Variants in CHN2 observed in about 807,000 individuals in gnomAD.
CHN2 encodes the protein chimerin 2.
Under a neutral mutation model 56.3 loss-of-function variants are expected in CHN2, and 35 were observed. That is an observed-to-expected ratio of 0.62 (90% CI 0.47 to 0.82). The LOEUF is 0.82. Ranked by LOEUF, CHN2 falls within the 40% of genes least tolerant of loss-of-function variation. The pLI, the probability that CHN2 is intolerant of heterozygous loss-of-function variation, is 0.00. For synonymous variants in CHN2, 210 were observed against 212.8 expected (o/e 0.99, Z 0.12); for missense variants, 491 against 580.5 (o/e 0.85, Z 1.58).
At chr7:29,482,284 C>CCTCA (rs1290432235) in intron 7 of CHN2, among the ~76,000 whole-genome samples, 2 of 152,172 alleles carry the variant, frequency 1.3e-5, no homozygotes, top group Non-Finnish European at 2.9e-5. Context: ...ACTTAGCAGA[C>CCTCA]CTCAAGTAGC....
At chr7:29,332,567 C>T (rs921277373) in intron 1 of CHN2, among the ~76,000 whole-genome samples, 2 of 140,420 alleles carry the variant, frequency 1.4e-5, no homozygotes, top group Admixed American at 1.5e-4. Context: ...AGTTCCCCGT[C>T]AGCCACACGG....
intron 1 of CHN2, among the ~76,000 whole-genome samples, chr7:29,342,771 T>A (rs1398770240): frequency 6.6e-6 from 1 of 152,254 alleles, no homozygotes; most frequent in Non-Finnish European, 1.5e-5. Context: ...AGGTCTGATC[T>A]TGCCCTTATA....
At chr7:29,389,576 G>A (rs1217887230) in intron 3 of CHN2, among the ~76,000 whole-genome samples, 1 of 152,070 alleles carries the variant, frequency 6.6e-6, no homozygotes, top group Non-Finnish European at 1.5e-5. Flanking sequence ...TGGTCATTTT[G>A]AGAAGTGTAC....
intron 1 of CHN2, among the ~76,000 whole-genome samples, chr7:29,253,800 G>C (rs966657158): frequency 3.9e-5 from 6 of 152,204 alleles, no homozygotes; most frequent in Non-Finnish European, 8.8e-5. Flanking sequence ...TCCTTCAACT[G>C]TAAAATAAGG....
At chr7:29,434,028 G>T (rs1783046011) in intron 6 of CHN2, among the ~76,000 whole-genome samples, 1 of 152,216 alleles carries the variant, frequency 6.6e-6, no homozygotes, top group Non-Finnish European at 1.5e-5. Context: ...AACCTCTGAG[G>T]ATCTTCCCTC....
chr7:29,220,596 C>T (rs973877101), intron 1 of CHN2, among the ~76,000 whole-genome samples: 22 of 151,968 alleles, frequency 1.4e-4, no homozygotes, highest in African/African-American at 5.3e-4. Context: ...CCAAAACAGA[C>T]ATAAGAAGAA....
chr7:29,476,493 C>T (rs1293189753), intron 6 of CHN2, among the ~76,000 whole-genome samples: 3 of 150,726 alleles, frequency 2.0e-5, no homozygotes, highest in African/African-American at 7.3e-5. Flanking sequence ...GCCGAGATCG[C>T]GCCATTGCAC....
rs186259617 is a variant in CHN2, at chr7:29,212,894, A to G, written c.49+17904A>G. 30 of 1,610,750 alleles carry G rather than the reference A, an allele frequency of 1.9e-5. No individual in the cohort carries two copies. In the East Asian group the frequency reaches 2.5e-4, roughly 13 times the overall value. On this transcript the variant is annotated intron_variant, in intron 1 of 12. Coordinates refer to ENST00000222792, the MANE Select transcript of CHN2 (RefSeq NM_004067.4). Reference sequence around the variant, plus strand: ...GGGAACCTTCCAATGTGGAGCAACCAGACCTGGAACAATTCATCCTGGAGC... The same window carrying G: ...GGGAACCTTCCAATGTGGAGCAACCGGACCTGGAACAATTCATCCTGGAGC...
upstream of CHN2, chr7:29,192,724 T>C (rs886949765): frequency 6.6e-6 from 1 of 150,946 alleles, no homozygotes; most frequent in Admixed American, 6.6e-5. Context: ...TTGTGGCAGG[T>C]GTAGAAACTG....
At chr7:29,341,682 T>TA (rs1374976357) in intron 1 of CHN2, among the ~76,000 whole-genome samples, 13 of 152,194 alleles carry the variant, frequency 8.5e-5, no homozygotes, top group Admixed American at 7.9e-4. Context: ...GGCAGAAAAT[T>TA]AAATAATGTC....
intron 5 of CHN2, 32 bp downstream of exon 5, chr7:29,398,518 C>A: frequency 1.5e-6 from 2 of 1,372,774 alleles, no homozygotes; most frequent in South Asian, 1.2e-5. Flanking sequence ...GTTTTCATTG[C>A]TGTACAAGTG....
intron 4 of CHN2, 72 bp downstream of exon 4, chr7:29,393,782 A>G (rs1020873181): frequency 7.4e-6 from 4 of 537,814 alleles, no homozygotes; most frequent in Admixed American, 4.0e-5. Flanking sequence ...AAATATTACA[A>G]ATTTTCTAAT....
intron 1 of CHN2, among the ~76,000 whole-genome samples, chr7:29,348,482 TCTTCCCCCTC>T (rs1313176178): frequency 6.6e-6 from 1 of 152,210 alleles, no homozygotes; most frequent in Non-Finnish European, 1.5e-5. Flanking sequence ...AGCATCTGTA[TCTTCCCCCTC>T]CTTCCCCATC....
At chr7:29,411,331 G>A (rs1803193460) in intron 6 of CHN2, among the ~76,000 whole-genome samples, 1 of 152,148 alleles carries the variant, frequency 6.6e-6, no homozygotes, top group South Asian at 2.1e-4. Flanking sequence ...TTCCTTCTTT[G>A]GCCTCGTACT....
intron 1 of CHN2, among the ~76,000 whole-genome samples, chr7:29,299,958 A>T (rs1793520552): frequency 6.6e-6 from 1 of 152,184 alleles, no homozygotes; most frequent in African/African-American, 2.4e-5. Flanking sequence ...AGAGAAAATA[A>T]CATAGAGTAA....
intron 1 of CHN2, among the ~76,000 whole-genome samples, chr7:29,219,842 G>A (rs1291910321): frequency 2.6e-5 from 4 of 151,682 alleles, no homozygotes; most frequent in African/African-American, 7.3e-5. Context: ...TTTAGGAGGC[G>A]AGGTGGGCGG....
intron 6 of CHN2, among the ~76,000 whole-genome samples, chr7:29,472,297 A>ACG (rs1554298730): frequency 2.3e-5 from 3 of 133,134 alleles, no homozygotes; most frequent in Non-Finnish European, 5.0e-5. Flanking sequence ...ACACACACAC[A>ACG]CGCACACACA....
At chr7:29,204,109 GTGTGT>G (rs1784362793) in intron 1 of CHN2, among the ~76,000 whole-genome samples, 1 of 139,398 alleles carries the variant, frequency 7.2e-6, no homozygotes, top group African/African-American at 2.8e-5. Flanking sequence ...GTGTGTGTGT[GTGTGT>G]GTAGAAAACT....
chr7:29,205,090 T>C (rs1204096313), intron 1 of CHN2, among the ~76,000 whole-genome samples: 2 of 152,232 alleles, frequency 1.3e-5, no homozygotes, highest in Non-Finnish European at 2.9e-5. Flanking sequence ...TGCAGACATC[T>C]TACTTTTCAT....
Sources: allele counts gnomAD v4.1 joint callset (sites outside exome capture counted in the v4.1 genomes callset), GRCh38; gene constraint gnomAD v4.1.1; transcripts MANE v1.5; gene names NCBI Gene and HGNC (gene_info 2026-07-23, HGNC 2026-07-21).